The following TAOK3 variants were observed in gnomAD, a reference collection of about 807,000 sequenced individuals.
The protein encoded by TAOK3 is serine/threonine-protein kinase TAO3.
Under a neutral mutation model 120.4 loss-of-function variants are expected in TAOK3, and 40 were observed. That is an observed-to-expected ratio of 0.33 (90% CI 0.26 to 0.43). The LOEUF (loss-of-function observed/expected upper bound fraction) is 0.43. Ranked by LOEUF, TAOK3 falls within the 20% of genes least tolerant of loss-of-function variation. The probability of loss-of-function intolerance (pLI) is 1.00; values close to 1 mark genes in which losing one functional copy is unlikely to be tolerated. For synonymous variants in TAOK3, 355 were observed against 387.5 expected, an observed-to-expected ratio of 0.92 and a Z score of 0.99; for missense variants, 821 against 1,112.1, an observed-to-expected ratio of 0.74 and a Z score of 3.72.
chr12:118,247,325 G>T (rs1037330866), intron 3 of TAOK3, among the ~76,000 whole-genome samples: 3 of 152,040 alleles, frequency 2.0e-5, no homozygotes, highest in African/African-American at 7.2e-5. Context: ...ATGTATATAT[G>T]TGTATTTTTT....
At position 118,241,876 on chromosome 12, in the gene TAOK3, C is replaced by T. The variant is rs353892; in HGVS notation, c.294+1539G>A. The stretch of plus-strand genomic sequence containing the variant: ...CTGTAATTCCAGCACTTTGGGAGGC[C>T]GAGGTGGGCGGATCACCTGAGGTCG... On this transcript the variant is annotated intron_variant, in intron 5 of 20. Coordinates refer to ENST00000392533, the MANE Select transcript of TAOK3 (RefSeq NM_016281.4). Among the ~76,000 whole-genome samples the T allele has an allele frequency of 3.5e-3, 533 of 151,726 alleles. 7 individuals are homozygous for T. The East Asian group carries it at 0.054, about 15-fold the overall frequency.
At chr12:118,226,433 CT>C (rs1386295134) in intron 9 of TAOK3, among the ~76,000 whole-genome samples, 1 of 151,326 alleles carries the variant, frequency 6.6e-6, no homozygotes, top group Non-Finnish European at 1.5e-5. Flanking sequence ...ATTCGGGAGG[CT>C]GAGGCAGGAG....
At chr12:118,345,967 A>G (rs1752133224) in intron 1 of TAOK3, among the ~76,000 whole-genome samples, 1 of 152,212 alleles carries the variant, frequency 6.6e-6, no homozygotes, top group South Asian at 2.1e-4. Flanking sequence ...TTAAAGTAAA[A>G]GAAATAAAGC....
chr12:118,293,163 T>G (rs1432019230), intron 1 of TAOK3, among the ~76,000 whole-genome samples: 2 of 152,250 alleles, frequency 1.3e-5, no homozygotes, highest in Non-Finnish European at 2.9e-5. Flanking sequence ...TATGAGACTG[T>G]ATCTATTCCA....
chr12:118,227,647 T>A (rs939420006), intron 9 of TAOK3, among the ~76,000 whole-genome samples: 3 of 152,178 alleles, frequency 2.0e-5, no homozygotes, highest in African/African-American at 7.2e-5. Flanking sequence ...GATGAGAAAC[T>A]GAGGATTAGG....
Position 118,223,645 on chromosome 12 carries a change from ATT to A in TAOK3, c.644-9537_644-9536del, listed in dbSNP as rs370848653. ...ACAGGTGTGAGCCACCGCACCCGGCATTTTTTTTTTTTTTTTGAGACAGAGTC... is the reference window on the plus strand; with the variant it reads ...ACAGGTGTGAGCCACCGCACCCGGCATTTTTTTTTTTTTTGAGACAGAGTC... On this transcript the variant is annotated intron_variant, in intron 9 of 20. Transcript: ENST00000392533. Among the ~76,000 whole-genome samples, 1,224 of 135,824 alleles carry A rather than the reference ATT, an allele frequency of 9.0e-3. 10 individuals are homozygous for A. The highest frequency in any genetic ancestry group is 0.03 in the African/African-American group (1,114 of 36,686). The allele number at this position is 135,824 out of a possible 152,430, so 89.1% of individuals were successfully genotyped here. A position where few individuals can be genotyped will look rare whatever the true frequency, so the allele number is the denominator to read the frequency against.
chr12:118,332,015 G>A (rs2044172451), intron 1 of TAOK3, among the ~76,000 whole-genome samples: 1 of 152,102 alleles, frequency 6.6e-6, no homozygotes, highest in Non-Finnish European at 1.5e-5. Context: ...AGTAAAGGAG[G>A]GGTTTCGCCA....
intron 9 of TAOK3, among the ~76,000 whole-genome samples, chr12:118,218,711 T>C (rs1170777176): frequency 6.6e-6 from 1 of 152,130 alleles, no homozygotes; most frequent in Non-Finnish European, 1.5e-5. Flanking sequence ...TTCATGGATG[T>C]GGAACCCACA....
Position 118,279,686 on chromosome 12 carries a change from C to T in TAOK3, c.-193-12927G>A, listed in dbSNP as rs769838348. Among the ~76,000 whole-genome samples, 5 of 149,476 alleles carry T rather than the reference C, an allele frequency of 3.3e-5. 1 individual carries two copies. The South Asian group carries it at 8.4e-4, about 25-fold the overall frequency. ...GCAACCTCTGCCTCTGGGATTCAAG[C>T]GATTCTTCTGCCTCAGCCTCCTAAG... On this transcript the variant is annotated intron_variant, in intron 1 of 20. Transcript: ENST00000392533.
intron 1 of TAOK3, among the ~76,000 whole-genome samples, chr12:118,319,457 T>C (rs1247984857): frequency 6.6e-6 from 1 of 152,092 alleles, no homozygotes; most frequent in East Asian, 1.9e-4. Flanking sequence ...ATCTACAACA[T>C]ATAAAGAACT....
intron 1 of TAOK3, among the ~76,000 whole-genome samples, chr12:118,277,992 G>T (rs1424379210): frequency 2.0e-5 from 3 of 151,884 alleles, no homozygotes; most frequent in Non-Finnish European, 4.4e-5. Context: ...CAGTGTTTGT[G>T]GTTTTGTTTA....
chr12:118,287,522 C>T (rs1376870465), intron 1 of TAOK3, among the ~76,000 whole-genome samples: 1 of 152,168 alleles, frequency 6.6e-6, no homozygotes, highest in Admixed American at 6.6e-5. Context: ...AGCACTATGA[C>T]ATAGTGGAAA....
At position 118,161,753 on chromosome 12, in the gene TAOK3, T is replaced by C; in HGVS notation, c.2139+35A>G. On this transcript the variant is annotated intron_variant, in intron 18 of 20. Transcript: ENST00000392533. This position sits in a 1 kb window ranked among gnomAD's most constrained non-coding sequence, Gnocchi z 4.5. ...ACACTTCAGGTAGAGAAACCACTGA[T>C]CTGGTCCAACACTGTCCAGCAGCAC... 1 of 1,608,034 alleles carries C rather than the reference T, an allele frequency of 6.2e-7. No homozygotes were observed. Among genetic ancestry groups the C allele is most frequent in the Non-Finnish European group, 8.5e-7 (1 of 1,175,824 alleles).
intron 1 of TAOK3, among the ~76,000 whole-genome samples, chr12:118,353,276 T>C (rs2045251908): frequency 6.6e-6 from 1 of 152,130 alleles, no homozygotes; most frequent in South Asian, 2.1e-4. Flanking sequence ...TAACAGGTAG[T>C]ACACTTCACA....
intron 13 of TAOK3, among the ~76,000 whole-genome samples, chr12:118,196,516 C>G (rs1031043883): frequency 6.6e-6 from 1 of 151,888 alleles, no homozygotes; most frequent in Middle Eastern, 3.4e-3. Context: ...GACTCTGTCT[C>G]CAAAAATTAA....
At chr12:118,249,322 G>A (rs2040648011) in intron 3 of TAOK3, among the ~76,000 whole-genome samples, 1 of 152,148 alleles carries the variant, frequency 6.6e-6, no homozygotes, top group South Asian at 2.1e-4. Context: ...AGCACTTTGG[G>A]AGGCCAACGT....
At chr12:118,268,387 CAGGAAAAAACT>C (rs1272919525) in intron 1 of TAOK3, among the ~76,000 whole-genome samples, 1 of 152,158 alleles carries the variant, frequency 6.6e-6, no homozygotes, top group Non-Finnish European at 1.5e-5. Context: ...GAAGGCCTTA[CAGGAAAAAACT>C]AGAAAAAAAC....
At chr12:118,208,620 A>C (rs1349558914) in intron 11 of TAOK3, among the ~76,000 whole-genome samples, 1 of 152,208 alleles carries the variant, frequency 6.6e-6, no homozygotes, top group African/African-American at 2.4e-5. Flanking sequence ...AATTGGTGCA[A>C]CTGCTTTGAA....
chr12:118,159,090 T>G (rs1284643051), intron 19 of TAOK3, among the ~76,000 whole-genome samples: 1 of 152,164 alleles, frequency 6.6e-6, no homozygotes, highest in African/African-American at 2.4e-5. Context: ...TCCTGCAATC[T>G]TCCTCCTTGA....
Sources: allele counts gnomAD v4.1 joint callset (sites outside exome capture counted in the v4.1 genomes callset), GRCh38; gene constraint gnomAD v4.1.1; non-coding constraint Gnocchi (gnomAD v3.1); transcripts MANE v1.5; gene names NCBI Gene and HGNC (gene_info 2026-07-23, HGNC 2026-07-21).